The following ELFN2 variants were observed in gnomAD, a reference collection of about 807,000 sequenced individuals.
ELFN2 encodes the protein extracellular leucine rich repeat and fibronectin type III domain containing 2.
A neutral mutation model predicts 45.5 loss-of-function variants in ELFN2; 17 were observed. The observed-to-expected ratio is 0.37, with a 90% confidence interval of 0.26 to 0.56. ELFN2 has a LOEUF of 0.56. Among genes scored for constraint, ELFN2 ranks in the 20% least tolerant of loss-of-function variants. The probability of loss-of-function intolerance (pLI) is 0.77; values close to 1 mark genes in which losing one functional copy is unlikely to be tolerated. For missense variants in ELFN2, 922 were observed against 1,183.2 expected (o/e 0.78, Z 3.24); for synonymous variants, 550 against 551.5 (o/e 1.00, Z 0.04).
chr22:37,377,187 C>A (rs1364821059), intron 2 of ELFN2, among the ~76,000 whole-genome samples: 2 of 152,224 alleles, frequency 1.3e-5, no homozygotes, highest in Non-Finnish European at 2.9e-5. Context: ...CTGCATCAAC[C>A]CTCACTTTCC....
intron 2 of ELFN2, among the ~76,000 whole-genome samples, chr22:37,414,359 A>G (rs971984150): frequency 6.6e-6 from 1 of 152,228 alleles, no homozygotes; most frequent in African/African-American, 2.4e-5. Context: ...CAGGAGACAG[A>G]CATGCACTGA....
chr22:37,363,042 C>T (rs562063519), downstream of ELFN2, among the ~76,000 whole-genome samples: 1 of 152,296 alleles, frequency 6.6e-6, no homozygotes, highest in South Asian at 2.1e-4. Flanking sequence ...CGATTCATTC[C>T]CTCAGCAGCC....
At chr22:37,343,325 T>A (rs1024337210) in intron 1 of ELFN2, among the ~76,000 whole-genome samples, 4 of 152,096 alleles carry the variant, frequency 2.6e-5, no homozygotes, top group Admixed American at 6.5e-5. Flanking sequence ...GGGCTCCGAA[T>A]GGGTGGCTTT....
chr22:37,387,561 C>T (rs1275517115), intron 2 of ELFN2, among the ~76,000 whole-genome samples: 1 of 152,160 alleles, frequency 6.6e-6, no homozygotes, highest in East Asian at 1.9e-4. Context: ...CCCTCCTGGG[C>T]ACCTCGTCCG....
intron 2 of ELFN2, among the ~76,000 whole-genome samples, chr22:37,386,692 G>C (rs985262660): frequency 6.6e-6 from 1 of 152,146 alleles, no homozygotes; most frequent in Admixed American, 6.5e-5. Flanking sequence ...ATCGAGCCCC[G>C]GAAACTCCCC....
At chr22:37,342,989 G>A (rs952840977) in intron 1 of ELFN2, among the ~76,000 whole-genome samples, 4 of 152,156 alleles carry the variant, frequency 2.6e-5, no homozygotes, top group Non-Finnish European at 4.4e-5. Context: ...GGGCCCACTC[G>A]GCACCCCATG....
intron 1 of ELFN2, among the ~76,000 whole-genome samples, chr22:37,348,475 G>T (rs193226647): frequency 6.6e-6 from 1 of 150,902 alleles, no homozygotes; most frequent in East Asian, 1.9e-4. Context: ...TGGGCACAGG[G>T]CCCCAGATCA....
At chr22:37,378,181 C>A (rs1931635782) in intron 2 of ELFN2, among the ~76,000 whole-genome samples, 1 of 152,226 alleles carries the variant, frequency 6.6e-6, no homozygotes, top group East Asian at 1.9e-4. Context: ...ACGTCCTCTG[C>A]ATCAGCTTCG....
intron 2 of ELFN2, among the ~76,000 whole-genome samples, chr22:37,382,937 G>A (rs894978000): frequency 6.6e-6 from 1 of 152,142 alleles, no homozygotes; most frequent in Non-Finnish European, 1.5e-5. Flanking sequence ...CTGTTCATGG[G>A]TGCCACCTTG....
chr22:37,414,484 G>A (rs528638859), intron 2 of ELFN2, among the ~76,000 whole-genome samples: 1 of 152,276 alleles, frequency 6.6e-6, no homozygotes, highest in East Asian at 1.9e-4. Flanking sequence ...TCAATAAACA[G>A]CAGCTGTGAG....
At position 37,370,517 on chromosome 22, in the gene ELFN2, C is replaced by T. The variant is rs574315017; in HGVS notation, c.*2555G>A. The T allele has an allele frequency of 1.6e-4, 25 of 152,476 alleles. No homozygotes were observed. Among genetic ancestry groups the T allele is most frequent in the African/African-American group, 5.1e-4 (21 of 41,562 alleles). 9.4% of individuals were successfully genotyped at this position (152,476 alleles called of 1,614,324 possible). On this transcript the variant is annotated 3_prime_UTR_variant, in exon 3 of 3. Coordinates refer to ENST00000402918, the MANE Select transcript of ELFN2 (RefSeq NM_052906.5). ...AACAAGCGGGACGGACAGACAGTCC[C>T]TTCCACCGGGACAAGAGCCCTTGAG...
chr22:37,355,807 A>G (rs4821641), intron 1 of ELFN2, among the ~76,000 whole-genome samples: 52,209 of 151,988 alleles, frequency 0.34, 9,300 homozygotes, highest in Middle Eastern at 0.45. Flanking sequence ...GTCCAGTCCC[A>G]TATCCACAGC....
chr22:37,414,488 C>G lies in ELFN2; in HGVS notation c.-463+3281G>C, dbSNP rs546935536. ...ATAGCAGATGCTCAATAAACAGCAG[C>G]TGTGAGCATTATTACTCTAAGCCCC... is the stretch of plus-strand genomic sequence containing the variant. On this transcript the variant is annotated intron_variant, in intron 2 of 2. Coordinates refer to ENST00000402918, the MANE Select transcript of ELFN2 (RefSeq NM_052906.5). Among the ~76,000 whole-genome samples, 8 of 152,326 alleles carry G rather than the reference C, an allele frequency of 5.3e-5. No homozygotes were observed. The South Asian group carries it at 8.3e-4, about 16-fold the overall frequency.
At chr22:37,400,629 C>T (rs965348427) in intron 2 of ELFN2, among the ~76,000 whole-genome samples, 1 of 152,210 alleles carries the variant, frequency 6.6e-6, no homozygotes, top group African/African-American at 2.4e-5. Context: ...CACCCACCCT[C>T]GGTGGGCACG....
chr22:37,409,771 C>G (rs995039055), intron 2 of ELFN2, among the ~76,000 whole-genome samples: 4 of 152,180 alleles, frequency 2.6e-5, no homozygotes, highest in Non-Finnish European at 1.5e-5. Context: ...CAGGTCCCGC[C>G]GCACCCCTGA....
downstream of ELFN2, among the ~76,000 whole-genome samples, chr22:37,364,089 T>C (rs1228431476): frequency 6.6e-6 from 1 of 152,128 alleles, no homozygotes; most frequent in Non-Finnish European, 1.5e-5. Flanking sequence ...GAACTCAGAA[T>C]TGGATTCCCC....
chr22:37,359,330 G>A (rs969816004), intron 1 of ELFN2, among the ~76,000 whole-genome samples: 1 of 151,972 alleles, frequency 6.6e-6, no homozygotes, highest in Non-Finnish European at 1.5e-5. Flanking sequence ...GCCCTCACTG[G>A]CCTGGTCCTT....
At position 37,372,578 on chromosome 22, in the gene ELFN2, G is replaced by A. The variant is rs1931397687; in HGVS notation, c.*494C>T. ...TCCCCCCCTCTCTAAAGTGGAAGGA[G>A]ACATTGCCCGATGTCTAATGCTAAA... On this transcript the variant is annotated 3_prime_UTR_variant, in exon 3 of 3. Coordinates refer to ENST00000402918, the MANE Select transcript of ELFN2 (RefSeq NM_052906.5). This position sits in a 1 kb window ranked among gnomAD's most constrained non-coding sequence, Gnocchi z 4.4. 1 of 153,194 alleles carries A rather than the reference G, an allele frequency of 6.5e-6. No homozygotes were observed. The highest frequency in any genetic ancestry group is 1.5e-5 in the Non-Finnish European group (1 of 68,870). The allele number at this position is 153,194 out of a possible 1,614,324, so 9.5% of individuals were successfully genotyped here. A position where few individuals can be genotyped will look rare whatever the true frequency, so the allele number is the denominator to read the frequency against.
At chr22:37,343,090 C>T (rs1930600515) in intron 1 of ELFN2, among the ~76,000 whole-genome samples, 1 of 152,158 alleles carries the variant, frequency 6.6e-6, no homozygotes, top group South Asian at 2.1e-4. Context: ...TTCAATTTCA[C>T]AGAGAGACTG....
Sources: gnomAD v4.1 joint callset for allele counts (sites outside exome capture counted in the v4.1 genomes callset) on GRCh38, gnomAD v4.1.1 for gene constraint, Gnocchi (gnomAD v3.1) non-coding constraint, MANE v1.5 for transcripts, NCBI Gene and HGNC (gene_info 2026-07-23, HGNC 2026-07-21) for gene names.